The following PLCE1 variants were observed in gnomAD, a reference collection of about 807,000 sequenced individuals.
PLCE1 encodes phospholipase C epsilon 1, also known as 1-phosphatidylinositol 4,5-bisphosphate phosphodiesterase epsilon-1.
A neutral mutation model predicts 242.8 loss-of-function variants in PLCE1; 119 were observed. That is an observed-to-expected ratio of 0.49 (90% CI 0.42 to 0.57). The LOEUF (loss-of-function observed/expected upper bound fraction) is 0.57. Ranked by LOEUF, PLCE1 falls within the 20% of genes least tolerant of loss-of-function variation. The pLI, the probability that PLCE1 is intolerant of heterozygous loss-of-function variation, is 0.00. For synonymous variants in PLCE1, 945 were observed against 1,017.4 expected, an observed-to-expected ratio of 0.93 and a Z score of 1.35; for missense variants, 2,441 against 2,788.8, an observed-to-expected ratio of 0.88 and a Z score of 2.81.
intron 4 of PLCE1, among the ~76,000 whole-genome samples, chr10:94,219,657 A>G (rs1355728617): frequency 6.6e-6 from 1 of 152,194 alleles, no homozygotes; most frequent in Non-Finnish European, 1.5e-5. Flanking sequence ...GATGTTAGAC[A>G]GCCAAAACAA....
chr10:94,298,472 G>C lies in PLCE1; in HGVS notation c.5261G>C (p.Cys1754Ser). The C allele has an allele frequency of 6.2e-7, 1 of 1,614,032 alleles. No homozygotes were observed. Among genetic ancestry groups the C allele is most frequent in the East Asian group, 2.2e-5 (1 of 44,868 alleles). The change falls in exon 24 of 33, where the codon TGT becomes TCT. Residue 1754 changes from cysteine (C) to serine (S), a missense_variant. Physicochemically the swap from Cys to Ser is moderately radical, Grantham distance 112. Transcript: ENST00000371380. The surrounding 1 kb of genome is among the most constrained non-coding windows in gnomAD (Gnocchi z 5.2). Reference protein sequence around the residue: ...SLSAIIRTPKCYHISSLNENA... With the variant: ...SLSAIIRTPKSYHISSLNENA... ...AGTGCTATCATTAGAACTCCCAAAT[G>C]TTATCATATCTCGTCGCTGAATGAA...
At chr10:94,017,309 T>C (rs763997473) in intron 1 of PLCE1, among the ~76,000 whole-genome samples, 29 of 152,146 alleles carry the variant, frequency 1.9e-4, no homozygotes, top group Non-Finnish European at 3.8e-4. Context: ...CCCTGAAACT[T>C]GTTTGCTTCA....
At chr10:94,006,031 ATC>A (rs1211240579) in intron 1 of PLCE1, among the ~76,000 whole-genome samples, 3 of 152,228 alleles carry the variant, frequency 2.0e-5, no homozygotes. Context: ...CCTTCTAAAT[ATC>A]TCTGTAATCA....
At chr10:94,152,862 G>A (rs1400847318) in intron 3 of PLCE1, among the ~76,000 whole-genome samples, 2 of 151,964 alleles carry the variant, frequency 1.3e-5, no homozygotes, top group Non-Finnish European at 2.9e-5. Context: ...CCAAAGTCTG[G>A]TACAGGTTAT....
Position 94,252,347 on chromosome 10 carries a change from C to T in PLCE1, c.3128C>T (p.Ala1043Val). ...GGACGGTATGAAGGCCCAACTTTGGCTCACGCTGTGGAGTTGTTTGGTGGC... is the reference window on the plus strand; with the variant it reads ...GGACGGTATGAAGGCCCAACTTTGGTTCACGCTGTGGAGTTGTTTGGTGGC... ...EDGRYEGPTL[A>V]HAVELFGGRR... Residue 1043 changes from alanine to valine, a missense_variant, in exon 9 of 33, where the codon GCT (alanine) becomes GTT (valine). Transcript: ENST00000371380. The T allele has an allele frequency of 5.6e-6, 9 of 1,614,122 alleles. No homozygotes were observed. Among genetic ancestry groups the T allele is most frequent in the Non-Finnish European group, 7.6e-6 (9 of 1,179,992 alleles).
intron 2 of PLCE1, among the ~76,000 whole-genome samples, chr10:94,038,960 C>T (rs186249053): frequency 1.6e-3 from 237 of 152,304 alleles, no homozygotes; most frequent in Non-Finnish European, 2.7e-3. Flanking sequence ...CTATTCTGGA[C>T]TTTCATATGA....
intron 2 of PLCE1, chr10:94,089,062 G>T (rs752690536): frequency 6.2e-7 from 1 of 1,607,380 alleles, no homozygotes; most frequent in Non-Finnish European, 8.5e-7. Flanking sequence ...TGTGATTTGA[G>T]ATTGGGCTTC....
intron 22 of PLCE1, among the ~76,000 whole-genome samples, chr10:94,291,659 C>T (rs143626605): frequency 3.3e-5 from 5 of 152,032 alleles, no homozygotes; most frequent in Non-Finnish European, 5.9e-5. Flanking sequence ...ATTAGCACAT[C>T]GTCGGGAGCA....
At chr10:94,089,313 T>C in intron 2 of PLCE1, 1 of 1,613,950 alleles carries the variant, frequency 6.2e-7, no homozygotes, top group Non-Finnish European at 8.5e-7. Context: ...TCCCGCTCTC[T>C]GAGGTACCCA....
chr10:94,241,274 A>G (rs1276392531), intron 7 of PLCE1, among the ~76,000 whole-genome samples: 2 of 152,116 alleles, frequency 1.3e-5, no homozygotes, highest in African/African-American at 4.8e-5. Flanking sequence ...TCCAGACACT[A>G]TTTTTTTATA....
chr10:94,217,338 G>T (rs1011695758), intron 4 of PLCE1, among the ~76,000 whole-genome samples: 1 of 152,046 alleles, frequency 6.6e-6, no homozygotes, highest in African/African-American at 2.4e-5. Flanking sequence ...ATTTATAAAT[G>T]GTCCCACAAT....
chr10:94,262,001 C>CTTTT (rs72217756), intron 13 of PLCE1, among the ~76,000 whole-genome samples: 16 of 135,252 alleles, frequency 1.2e-4, no homozygotes, highest in South Asian at 4.8e-4. Context: ...TCTTCTTTTC[C>CTTTT]TTTTTTTTTT....
chr10:94,313,016 T>C (rs916871932), intron 27 of PLCE1, among the ~76,000 whole-genome samples: 1 of 152,204 alleles, frequency 6.6e-6, no homozygotes. Flanking sequence ...CAGCCTCTAA[T>C]TATGATGGAA....
chr10:94,030,717 A>G lies in PLCE1; in HGVS notation c.-330A>G. On this transcript the variant is annotated 5_prime_UTR_variant, in exon 2 of 33. Coordinates refer to ENST00000371380, the MANE Select transcript of PLCE1 (RefSeq NM_016341.4). ...ATCATTCAAACTGGATTTTAAAATC[A>G]TTGCAAATCAGTGATGGATCAGAAG... 3.3e-6 allele frequency: 1 copy of G among 302,284 alleles called. No homozygotes were observed. Among genetic ancestry groups the G allele is most frequent in the Non-Finnish European group, 6.2e-6 (1 of 161,838 alleles). 18.7% of individuals were successfully genotyped at this position (302,284 alleles called of 1,614,324 possible). A position where few individuals can be genotyped will look rare whatever the true frequency, so the allele number is the denominator to read the frequency against.
At chr10:94,192,280 T>A (rs2048692216) in intron 4 of PLCE1, among the ~76,000 whole-genome samples, 1 of 152,196 alleles carries the variant, frequency 6.6e-6, no homozygotes, top group South Asian at 2.1e-4. Context: ...GTACAAATGA[T>A]CCTGTCACCC....
chr10:94,178,129 A>T lies in PLCE1; in HGVS notation c.1809+6633A>T, dbSNP rs558669000. ...CAAATTTTTGACTTCATAACCTGTC[A>T]CCACCCACACCACTTCCAGGCACTC... On this transcript the variant is annotated intron_variant, in intron 4 of 32. Coordinates refer to ENST00000371380, the MANE Select transcript of PLCE1 (RefSeq NM_016341.4). Among the ~76,000 whole-genome samples the T allele has an allele frequency of 5.9e-5, 9 of 152,226 alleles. No individual in the cohort carries two copies. In the South Asian group the frequency reaches 1.9e-3, roughly 32 times the overall value.
chr10:94,102,922 A>G (rs1253356628), intron 2 of PLCE1, among the ~76,000 whole-genome samples: 1 of 152,264 alleles, frequency 6.6e-6, no homozygotes, highest in Non-Finnish European at 1.5e-5. Flanking sequence ...ATAGTTTAAA[A>G]TAGTTTGGTT....
At chr10:94,311,188 T>C (rs2133707764) in intron 27 of PLCE1, among the ~76,000 whole-genome samples, 1 of 152,266 alleles carries the variant, frequency 6.6e-6, no homozygotes, top group Non-Finnish European at 1.5e-5. Context: ...CCCCATCATT[T>C]AGGGTTTTTA....
intron 2 of PLCE1, among the ~76,000 whole-genome samples, chr10:94,115,790 T>C (rs1490483892): frequency 2.0e-5 from 3 of 152,296 alleles, no homozygotes; most frequent in Admixed American, 2.0e-4. Flanking sequence ...CATTCCCCAT[T>C]GAAGTCAGCC....
Sources: allele counts gnomAD v4.1 joint callset (sites outside exome capture counted in the v4.1 genomes callset), GRCh38; gene constraint gnomAD v4.1.1; non-coding constraint Gnocchi (gnomAD v3.1); transcripts MANE v1.5; gene names NCBI Gene and HGNC (gene_info 2026-07-23, HGNC 2026-07-21).